Variants in CCDC15 observed in about 807,000 individuals in gnomAD.
CCDC15 encodes coiled-coil domain-containing protein 15.
In CCDC15, 105 loss-of-function variants were observed where a neutral mutation model predicts 114.5. That is an observed-to-expected ratio of 0.92 (90% CI 0.78 to 1.08). The LOEUF is 1.08. CCDC15 is among the 50% of genes least tolerant of loss of function. CCDC15 has a pLI of 0.00. For missense variants in CCDC15, 1,105 were observed against 1,093.6 expected (o/e 1.01, Z -0.15); for synonymous variants, 334 against 377.8 (o/e 0.88, Z 1.34).
chr11:125,038,441 A>G lies in CCDC15; in HGVS notation c.2422A>G (p.Lys808Glu). 1 of 1,492,416 alleles carries G rather than the reference A, an allele frequency of 6.7e-7. No homozygotes were observed. Among genetic ancestry groups the G allele is most frequent in the Non-Finnish European group, 8.9e-7 (1 of 1,123,912 alleles). The allele number at this position is 1,492,416 out of a possible 1,614,324, so 92.4% of individuals were successfully genotyped here. ...QKKKIEKIKK[K>E]REQECYAAEQ... is the part of the protein sequence containing the mutation. Reference sequence around the variant, plus strand: ...TGATTTTATTTTCAGAATTAAGAAAAAGAGAGAGCAAGAATGTTATGCTGC... The same window carrying G: ...TGATTTTATTTTCAGAATTAAGAAAGAGAGAGAGCAAGAATGTTATGCTGC... The change falls in exon 14 of 16, where the codon AAG becomes GAG. Residue 808 changes from lysine to glutamate, a missense_variant. By Grantham distance (56) the Lys-to-Glu change is moderately conservative (BLOSUM62 1). Transcript: ENST00000344762.
chr11:124,984,417 T>C (rs964897328), intron 6 of CCDC15, among the ~76,000 whole-genome samples: 1 of 151,826 alleles, frequency 6.6e-6, no homozygotes, highest in Admixed American at 6.6e-5. Context: ...TAGACAGGGG[T>C]GCACTCATGT....
chr11:124,982,601 G>A (rs898482643), intron 6 of CCDC15, among the ~76,000 whole-genome samples: 5 of 152,156 alleles, frequency 3.3e-5, no homozygotes, highest in African/African-American at 1.2e-4. Flanking sequence ...CTTTAAGAAT[G>A]CTTAATATAG....
At chr11:125,030,320 A>G (rs1948729689) in intron 13 of CCDC15, among the ~76,000 whole-genome samples, 1 of 152,218 alleles carries the variant, frequency 6.6e-6, no homozygotes, top group South Asian at 2.1e-4. Flanking sequence ...TGACTTCAAA[A>G]GGATATTCCA....
At position 124,959,148 on chromosome 11, in the gene CCDC15, G is replaced by T; in HGVS notation, c.211G>T (p.Glu71Ter). ...ATATTTAATTGAAGAAGAACTAAAG[G>T]AACAGCTAAGAAAAAAACAAGAAGC... is the stretch of plus-strand genomic sequence containing the variant. The part of the protein sequence containing the change: ...SAYLIEEELK[E>*]QLRKKQEALK... Residue 71 changes from glutamate to a stop codon, truncating the protein, a stop_gained, in exon 3 of 16, where the codon GAA (glutamate) becomes TAA (stop). Transcript: ENST00000344762. LOFTEE classifies it high-confidence loss of function. 6.3e-7 allele frequency: 1 copy of T among 1,580,942 alleles called. No individual in the cohort carries two copies. Among genetic ancestry groups the T allele is most frequent in the South Asian group, 1.2e-5 (1 of 84,236 alleles).
At chr11:125,030,417 C>G (rs1293026353) in intron 13 of CCDC15, among the ~76,000 whole-genome samples, 1 of 152,194 alleles carries the variant, frequency 6.6e-6, no homozygotes, top group Non-Finnish European at 1.5e-5. Context: ...TGCTGCACTT[C>G]TTCAGCTGTA....
intron 13 of CCDC15, among the ~76,000 whole-genome samples, chr11:125,018,913 G>A (rs1948645155): frequency 6.6e-6 from 1 of 151,922 alleles, no homozygotes; most frequent in Non-Finnish European, 1.5e-5. Context: ...AATTGGAGAG[G>A]GGAAAGGCTG....
Position 124,987,167 on chromosome 11 carries a change from A to G in CCDC15, c.941A>G (p.Glu314Gly). Reference protein sequence around the residue: ...FKNPLFVLMEEEEQKQLHFEG... With the variant: ...FKNPLFVLMEGEEQKQLHFEG... ...AATCCATTATTTGTTCTGATGGAAGAGGAAGAACAAAAGCAGTTACATTTT... is the reference window on the plus strand; with the variant it reads ...AATCCATTATTTGTTCTGATGGAAGGGGAAGAACAAAAGCAGTTACATTTT... The change falls in exon 8 of 16, where the codon GAG (glutamate) becomes GGG (glycine). Residue 314 changes from glutamate to glycine, a missense_variant. Glu to Gly is a moderately conservative substitution (Grantham distance 98). Transcript: ENST00000344762. 6.6e-7 allele frequency: 1 copy of G among 1,518,760 alleles called. No homozygotes were observed. Among genetic ancestry groups the G allele is most frequent in the Non-Finnish European group, 8.8e-7 (1 of 1,137,380 alleles). 94.1% of individuals were successfully genotyped at this position (1,518,760 alleles called of 1,614,324 possible).
chr11:124,983,096 T>C (rs2135474077), intron 6 of CCDC15, among the ~76,000 whole-genome samples: 1 of 152,342 alleles, frequency 6.6e-6, no homozygotes. Context: ...TTATTAATAC[T>C]ACTGCATTAT....
intron 11 of CCDC15, among the ~76,000 whole-genome samples, chr11:124,998,741 T>C (rs1352542280): frequency 6.6e-6 from 1 of 150,546 alleles, no homozygotes. Context: ...TCTCTACTTT[T>C]TTTTTTTTTT....
rs756533149 is a variant in CCDC15, at chr11:125,038,988, C to G, written c.2653C>G (p.Leu885Val). 4 of 1,613,188 alleles carry G rather than the reference C, an allele frequency of 2.5e-6. No individual in the cohort carries two copies. Among genetic ancestry groups the G allele is most frequent in the Admixed American group, 1.7e-5 (1 of 60,002 alleles). Reference sequence around the variant, plus strand: ...GCTGTATAATATTACTTTACCTCCACTATGCTGTTGTGGTCCTGATTTTTG... The same window carrying G: ...GCTGTATAATATTACTTTACCTCCAGTATGCTGTTGTGGTCCTGATTTTTG... Reference protein sequence around the residue: ...MQLYNITLPPLCCCGPDFWDA... With the variant: ...MQLYNITLPPVCCCGPDFWDA... The change falls in exon 15 of 16, where the codon CTA becomes GTA. Residue 885 changes from leucine to valine, a missense_variant. Transcript: ENST00000344762.
intron 11 of CCDC15, 103 bp from the exon 12 acceptor site, chr11:125,003,764 A>G: frequency 1.6e-6 from 1 of 639,740 alleles, no homozygotes. Flanking sequence ...TATCCAATTG[A>G]GCCCAAGTTT....
At chr11:124,970,042 C>T (rs1947854223) in intron 4 of CCDC15, among the ~76,000 whole-genome samples, 1 of 152,178 alleles carries the variant, frequency 6.6e-6, no homozygotes, top group South Asian at 2.1e-4. Context: ...AAAACTGAGA[C>T]AGTTCTAGGT....
chr11:124,977,108 T>C (rs1394178791), intron 5 of CCDC15, among the ~76,000 whole-genome samples: 3 of 152,138 alleles, frequency 2.0e-5, no homozygotes, highest in South Asian at 4.1e-4. Flanking sequence ...TATTAGTCTT[T>C]AGTGACATTA....
In CCDC15 at chr11:124,972,857, G is replaced by A. The variant is rs372779509; in HGVS notation, c.517-2239G>A. Among the ~76,000 whole-genome samples the A allele has an allele frequency of 2.4e-4, 36 of 152,056 alleles. No homozygotes were observed. The East Asian group carries it at 3.9e-3, about 16-fold the overall frequency. On this transcript the variant is annotated intron_variant, in intron 4 of 15. Transcript: ENST00000344762. ...TGTTGAATCTTCCTCTACCTCTCTCGTAAGGACACTTTTGATGGCATTTAG... is the reference window on the plus strand; with the variant it reads ...TGTTGAATCTTCCTCTACCTCTCTCATAAGGACACTTTTGATGGCATTTAG...
chr11:125,015,224 G>GA (rs1170964675), intron 13 of CCDC15, among the ~76,000 whole-genome samples: 12 of 151,768 alleles, frequency 7.9e-5, no homozygotes, highest in African/African-American at 2.7e-4. Context: ...AATTACATCA[G>GA]AAAAAAAGCC....
At chr11:124,989,562 C>G (rs1222470327) in intron 8 of CCDC15, among the ~76,000 whole-genome samples, 3 of 152,164 alleles carry the variant, frequency 2.0e-5, no homozygotes, top group African/African-American at 7.2e-5. Context: ...TGTGAAACTC[C>G]TAGTCATCTT....
intron 4 of CCDC15, among the ~76,000 whole-genome samples, chr11:124,967,522 G>T (rs1054853815): frequency 1.5e-4 from 23 of 152,206 alleles, no homozygotes; most frequent in Middle Eastern, 3.4e-3. Flanking sequence ...ATTCTAGTTA[G>T]CCATTCGTCT....
chr11:125,020,130 A>G (rs1243796317), intron 13 of CCDC15, among the ~76,000 whole-genome samples: 1 of 151,980 alleles, frequency 6.6e-6, no homozygotes, highest in African/African-American at 2.4e-5. Context: ...AAACAGGAAC[A>G]GCAGGAAAAA....
At chr11:125,011,896 C>A (rs954620818) in intron 13 of CCDC15, among the ~76,000 whole-genome samples, 10 of 152,186 alleles carry the variant, frequency 6.6e-5, no homozygotes, top group African/African-American at 2.4e-4. Context: ...CATGCAGGAA[C>A]ATGAGTGGAG....
Sources: gnomAD v4.1 joint callset for allele counts (sites outside exome capture counted in the v4.1 genomes callset) on GRCh38, gnomAD v4.1.1 for gene constraint, MANE v1.5 for transcripts, NCBI Gene and HGNC (gene_info 2026-07-23, HGNC 2026-07-21) for gene names.